CCNY: variants seen among roughly 807,000 people sequenced by gnomAD.
CCNY encodes cyclin Y.
CCNY carries 19 observed loss-of-function variants against 42.8 expected under a neutral mutation model. The ratio of observed to expected loss-of-function variants is 0.44; its 90% confidence interval spans 0.31 to 0.65. CCNY has a LOEUF of 0.65. Ranked by LOEUF, CCNY falls within the 30% of genes least tolerant of loss-of-function variation. The pLI, the probability that CCNY is intolerant of heterozygous loss-of-function variation, is 0.07. For missense variants in CCNY, 370 were observed against 437.3 expected, an observed-to-expected ratio of 0.85 and a Z score of 1.37; for synonymous variants, 165 against 162.7, an observed-to-expected ratio of 1.01 and a Z score of -0.11.
chr10:35,566,915 T>C lies in CCNY; in HGVS notation c.909+730T>C, dbSNP rs569294616. 1.8e-4 allele frequency among the ~76,000 whole-genome samples: 27 copies of C among 152,260 alleles called. No individual in the cohort carries two copies. In the South Asian group the frequency reaches 4.1e-3, roughly 23 times the overall value. ...AGTAGAGATGGATGGGGTTTCATTATGTTGGCCAGGCTGGTCTAGAACTCC... is the reference window on the plus strand; with the variant it reads ...AGTAGAGATGGATGGGGTTTCATTACGTTGGCCAGGCTGGTCTAGAACTCC... On this transcript the variant is annotated intron_variant, in intron 9 of 9. Transcript: ENST00000374704.
intron 2 of CCNY, among the ~76,000 whole-genome samples, chr10:35,494,157 C>G (rs1391423120): frequency 2.6e-5 from 4 of 151,818 alleles, no homozygotes; most frequent in Non-Finnish European, 5.9e-5. Context: ...CTCCTGTAAT[C>G]CCAGCATTTT....
chr10:35,286,479 C>T (rs768260518), intron 3 of CCNY, among the ~76,000 whole-genome samples: 9 of 151,850 alleles, frequency 5.9e-5, no homozygotes, highest in East Asian at 1.9e-4. Context: ...CTGCCTCAGC[C>T]GCCCAAGTAC....
intron 1 of CCNY, among the ~76,000 whole-genome samples, chr10:35,401,691 G>A (rs1324440026): frequency 6.6e-6 from 1 of 152,080 alleles, no homozygotes; most frequent in African/African-American, 2.4e-5. Context: ...CAGGCGGGCT[G>A]AGTCAGCAAA....
intron 1 of CCNY, chr10:35,449,643 G>A: frequency 3.2e-6 from 1 of 316,472 alleles, no homozygotes; most frequent in Non-Finnish European, 4.6e-6. Flanking sequence ...GAGAGAGGGT[G>A]GGAGGGGCAG....
chr10:35,516,191 A>G (rs1424258274), intron 3 of CCNY, among the ~76,000 whole-genome samples: 1 of 152,222 alleles, frequency 6.6e-6, no homozygotes, highest in East Asian at 1.9e-4. Context: ...TTGTTAGTTT[A>G]GTAGATCCCA....
chr10:35,360,895 C>G (rs1836669632), intron 1 of CCNY, among the ~76,000 whole-genome samples: 1 of 152,116 alleles, frequency 6.6e-6, no homozygotes, highest in Non-Finnish European at 1.5e-5. Context: ...GAGTCTCACC[C>G]TGTCGCCCAG....
intron 1 of CCNY, among the ~76,000 whole-genome samples, chr10:35,406,212 T>C (rs1208364773): frequency 2.1e-5 from 3 of 140,826 alleles, no homozygotes; most frequent in African/African-American, 8.1e-5. Context: ...TTTATTTATT[T>C]ATTTATTTAT....
chr10:35,485,580 CT>C (rs1299972987), intron 2 of CCNY, among the ~76,000 whole-genome samples: 4 of 152,038 alleles, frequency 2.6e-5, no homozygotes, highest in Non-Finnish European at 5.9e-5. Context: ...AAAAAATTAG[CT>C]GGGTGTGGTG....
chr10:35,388,405 G>A (rs1837341921), intron 1 of CCNY, among the ~76,000 whole-genome samples: 1 of 152,224 alleles, frequency 6.6e-6, no homozygotes, highest in South Asian at 2.1e-4. Context: ...TTGGCAAGTA[G>A]TTTGTCTTCC....
Position 35,469,729 on chromosome 10 carries a change from T to C in CCNY, c.155-13675T>C, listed in dbSNP as rs370329591. On this transcript the variant is annotated intron_variant, in intron 1 of 9. Transcript: ENST00000374704. ...GGCACTGGAGAGACAGATAGGGAGA[T>C]GGAGAGACAGGGAAATGGGGAGACA... is the stretch of plus-strand genomic sequence containing the variant. Among the ~76,000 whole-genome samples the C allele has an allele frequency of 1.7e-4, 23 of 132,178 alleles. No homozygotes were observed. The East Asian group carries it at 5.1e-3, about 29-fold the overall frequency. The allele number at this position is 132,178 out of a possible 152,430, so 86.7% of individuals were successfully genotyped here.
rs995044431 is a variant in CCNY at position 35,307,849 on chromosome 10, G to C, written c.-9+57223G>C. ...TTTTTTTTTTCTGAGATGGAGTCTT[G>C]CTCTGCTGCCCAGGCTGGAATGCAA... On this transcript the variant is annotated intron_variant, in intron 3 of 11. Transcript: ENST00000374706. 6.9e-5 allele frequency among the ~76,000 whole-genome samples: 8 copies of C among 115,850 alleles called. 1 individual carries two copies. In the Admixed American group the frequency reaches 8.8e-4, roughly 13 times the overall value. The allele number at this position is 115,850 out of a possible 152,430, so 76.0% of individuals were successfully genotyped here. A position where few individuals can be genotyped will look rare whatever the true frequency, so the allele number is the denominator to read the frequency against.
At chr10:35,426,105 G>GCACT (rs1356511719) in intron 1 of CCNY, among the ~76,000 whole-genome samples, 1 of 57,970 alleles carries the variant, frequency 1.7e-5, no homozygotes. Flanking sequence ...CACTGGTCCA[G>GCACT]CACGCGCACA....
In CCNY at chr10:35,432,604, A is replaced by G. The variant is rs936957628; in HGVS notation, c.155-50800A>G. On this transcript the variant is annotated intron_variant, in intron 1 of 9. Coordinates refer to ENST00000374704, the MANE Select transcript of CCNY (RefSeq NM_145012.6). ...ATAAGCTGTTGGGTAGAGCATATAT[A>G]TCTGTCCACCAGCCATCTTATTGAG... Among the ~76,000 whole-genome samples, 4 of 152,354 alleles carry G rather than the reference A, an allele frequency of 2.6e-5. No individual in the cohort carries two copies. The East Asian group carries it at 5.8e-4, about 22-fold the overall frequency.
chr10:35,441,029 C>CT (rs1241599529), intron 1 of CCNY, among the ~76,000 whole-genome samples: 1 of 152,094 alleles, frequency 6.6e-6, no homozygotes, highest in East Asian at 1.9e-4. Context: ...ATTGCCAATT[C>CT]AGAAGTGATT....
At chr10:35,491,186 C>A (rs930247559) in intron 2 of CCNY, among the ~76,000 whole-genome samples, 2 of 152,208 alleles carry the variant, frequency 1.3e-5, no homozygotes, top group East Asian at 3.9e-4. Context: ...TTAGGCAAGG[C>A]TCTAGGACCC....
intron 1 of CCNY, among the ~76,000 whole-genome samples, chr10:35,458,266 T>C (rs1249085513): frequency 6.6e-6 from 1 of 152,224 alleles, no homozygotes; most frequent in Non-Finnish European, 1.5e-5. Context: ...CGTGTTGATG[T>C]GATGACTTGG....
chr10:35,541,824 C>A (rs1285657462), intron 7 of CCNY, among the ~76,000 whole-genome samples: 1 of 151,918 alleles, frequency 6.6e-6, no homozygotes, highest in Non-Finnish European at 1.5e-5. Context: ...TACCCAGCAT[C>A]CCTTTTCTTC....
chr10:35,307,696 G>A (rs1405534595), intron 3 of CCNY, among the ~76,000 whole-genome samples: 1 of 146,418 alleles, frequency 6.8e-6, no homozygotes, highest in Admixed American at 6.9e-5. Flanking sequence ...ATATCTACAC[G>A]TGTATATATG....
In CCNY at chr10:35,272,286, CT is replaced by C. The variant is rs771994509; in HGVS notation, c.-9+21675del. Among the ~76,000 whole-genome samples, 894 of 139,162 alleles carry C rather than the reference CT, an allele frequency of 6.4e-3. 1 individual carries two copies. The highest frequency in any genetic ancestry group is 7.7e-3 in the Non-Finnish European group (487 of 63,468). The allele number at this position is 139,162 out of a possible 152,430, so 91.3% of individuals were successfully genotyped here. On this transcript the variant is annotated intron_variant, in intron 3 of 11. Transcript: ENST00000374706. ...ACAGGCGTGAGCCACTGTGCCTGGCCTTTTTTTTTTTTTTTAACTTTTTACA... is the reference window on the plus strand; with the variant it reads ...ACAGGCGTGAGCCACTGTGCCTGGCCTTTTTTTTTTTTTTAACTTTTTACA...
Sources: allele counts gnomAD v4.1 joint callset (sites outside exome capture counted in the v4.1 genomes callset), GRCh38; gene constraint gnomAD v4.1.1; transcripts MANE v1.5; gene names NCBI Gene and HGNC (gene_info 2026-07-23, HGNC 2026-07-21).